The following FXYD6 variants were observed in gnomAD, a reference collection of about 807,000 sequenced individuals.
The protein encoded by FXYD6 is FXYD domain-containing ion transport regulator 6.
FXYD6 carries 7 observed loss-of-function variants against 16.7 expected under a neutral mutation model. The observed-to-expected ratio is 0.42, with a 90% CI of 0.24 to 0.79. The LOEUF (loss-of-function observed/expected upper bound fraction) is 0.79. FXYD6 is among the 30% of genes least tolerant of loss of function. FXYD6 has a pLI of 0.28. For missense variants in FXYD6, 111 were observed against 116.2 expected (o/e 0.95, Z 0.21); for synonymous variants, 49 against 43.0 (o/e 1.14, Z -0.54).
intron 1 of FXYD6, among the ~76,000 whole-genome samples, chr11:117,865,798 G>A (rs567256694): frequency 1.4e-4 from 21 of 152,260 alleles, no homozygotes; most frequent in South Asian, 4.2e-4. Flanking sequence ...GTGGTGGTGC[G>A]CGCCTGTAGT....
chr11:117,866,333 G>T (rs1024328871), intron 1 of FXYD6, among the ~76,000 whole-genome samples: 1 of 152,092 alleles, frequency 6.6e-6, no homozygotes, highest in Non-Finnish European at 1.5e-5. Context: ...AAAAACTGGG[G>T]GGGAAATGGG....
chr11:117,868,561 G>A (rs532119973), intron 1 of FXYD6, among the ~76,000 whole-genome samples: 1 of 152,110 alleles, frequency 6.6e-6, no homozygotes, highest in Non-Finnish European at 1.5e-5. Context: ...AAAGAGGCAC[G>A]ACTCAATGGA....
chr11:117,866,120 G>T (rs763959460), intron 1 of FXYD6, among the ~76,000 whole-genome samples: 1 of 135,922 alleles, frequency 7.4e-6, no homozygotes, highest in Non-Finnish European at 1.5e-5. Flanking sequence ...GAGAATGGTG[G>T]TTGCCAGGGG....
chr11:117,876,825 G>T (rs1170404674), upstream of FXYD6: 1 of 152,338 alleles, frequency 6.6e-6, no homozygotes, highest in Admixed American at 6.5e-5. Flanking sequence ...TGGCTTCTGG[G>T]TAGCGGCCGC....
chr11:117,839,045 G>A (rs11216576), intron 7 of FXYD6: 7,194 of 153,146 alleles, frequency 0.047, 188 homozygotes, highest in Non-Finnish European at 0.055. Context: ...AAAGCGAGAC[G>A]CACAGGACAG....
chr11:117,850,826 C>A (rs1009696064), intron 1 of FXYD6, among the ~76,000 whole-genome samples: 1 of 151,730 alleles, frequency 6.6e-6, no homozygotes, highest in Admixed American at 6.6e-5. Context: ...CCTTTTCTCC[C>A]TCTACTGGTT....
intron 6 of FXYD6, 170 bp downstream of exon 6, chr11:117,840,149 T>C (rs1317389306): frequency 3.8e-6 from 3 of 789,424 alleles, no homozygotes; most frequent in Non-Finnish European, 4.2e-6. Context: ...AGTAGTAGCC[T>C]GTTTGGTGGA....
chr11:117,874,339 C>T (rs1384005525), intron 1 of FXYD6, among the ~76,000 whole-genome samples: 1 of 152,212 alleles, frequency 6.6e-6, no homozygotes, highest in Non-Finnish European at 1.5e-5. Flanking sequence ...GTCTGTCAAC[C>T]ATAGAAGCCA....
chr11:117,876,763 G>A (rs1025556155), upstream of FXYD6: 1 of 150,956 alleles, frequency 6.6e-6, no homozygotes, highest in East Asian at 2.0e-4. Context: ...GGCGGGGGGG[G>A]GGCTCGCTCG....
At chr11:117,840,064 G>A (rs1239758791) in intron 6 of FXYD6, 1 of 645,910 alleles carries the variant, frequency 1.5e-6, no homozygotes, top group African/African-American at 1.8e-5. Flanking sequence ...GCCTATTTCA[G>A]GGCTGTGTGC....
intron 1 of FXYD6, among the ~76,000 whole-genome samples, chr11:117,851,801 T>C (rs1394319025): frequency 6.6e-6 from 1 of 152,260 alleles, no homozygotes; most frequent in African/African-American, 2.4e-5. Flanking sequence ...CGATCCCCAG[T>C]CATTCCAGCC....
At chr11:117,866,855 C>T (rs946188294) in intron 1 of FXYD6, among the ~76,000 whole-genome samples, 2 of 152,154 alleles carry the variant, frequency 1.3e-5, no homozygotes, top group East Asian at 1.9e-4. Context: ...AGCCTTTCAC[C>T]GTGGGCTGCA....
At chr11:117,841,389 C>T (rs1484081938) in intron 4 of FXYD6, among the ~76,000 whole-genome samples, 3 of 152,068 alleles carry the variant, frequency 2.0e-5, no homozygotes. Context: ...ATGGCTACAC[C>T]CCCACAGCCC....
At chr11:117,853,978 T>C (rs2056667229) in intron 1 of FXYD6, among the ~76,000 whole-genome samples, 1 of 152,230 alleles carries the variant, frequency 6.6e-6, no homozygotes, top group South Asian at 2.1e-4. Flanking sequence ...CATACAGTCC[T>C]AAAATATCTT....
At chr11:117,863,591 C>T (rs1312083840) in intron 1 of FXYD6, among the ~76,000 whole-genome samples, 7 of 151,822 alleles carry the variant, frequency 4.6e-5, no homozygotes, top group Non-Finnish European at 8.8e-5. Flanking sequence ...CTGTTTAACA[C>T]AGTATTGGAA....
chr11:117,864,933 A>G (rs1379982388), intron 1 of FXYD6, among the ~76,000 whole-genome samples: 1 of 152,154 alleles, frequency 6.6e-6, no homozygotes, highest in Non-Finnish European at 1.5e-5. Flanking sequence ...AAAAGACACA[A>G]TCAACAGATC....
chr11:117,855,975 G>A lies in FXYD6; in HGVS notation c.-5-13194C>T, dbSNP rs371966094. 9.2e-5 allele frequency among the ~76,000 whole-genome samples: 14 copies of A among 152,218 alleles called. No individual in the cohort carries two copies. The East Asian group carries it at 1.9e-3, about 21-fold the overall frequency. ...CTCCTCTAGGGTGTATTATGAGAAC[G>A]AATTCTGTTTCCGCTCATTTTTCCT... On this transcript the variant is annotated intron_variant, in intron 1 of 7. Transcript: ENST00000526014.
At chr11:117,867,934 G>A (rs1190181632) in intron 1 of FXYD6, among the ~76,000 whole-genome samples, 1 of 152,204 alleles carries the variant, frequency 6.6e-6, no homozygotes, top group Non-Finnish European at 1.5e-5. Context: ...GCCAAGGGCA[G>A]TGTAGCCAAG....
At chr11:117,858,704 TCTCTCTCTCTCC>T (rs2056816918) in intron 1 of FXYD6, among the ~76,000 whole-genome samples, 1 of 78,216 alleles carries the variant, frequency 1.3e-5, no homozygotes, top group Non-Finnish European at 2.9e-5. Flanking sequence ...TCTTTCTTTC[TCTCTCTCTCTCC>T]TTCCTTCCCT....
Sources: allele counts gnomAD v4.1 joint callset (sites outside exome capture counted in the v4.1 genomes callset), GRCh38; gene constraint gnomAD v4.1.1; transcripts MANE v1.5; gene names NCBI Gene and HGNC (gene_info 2026-07-23, HGNC 2026-07-21).